Variants in ZNF256 observed in about 807,000 individuals in gnomAD.
ZNF256 encodes the protein zinc finger protein 256, also known as bone marrow zinc finger 3.
ZNF256 carries 4 observed loss-of-function variants against 7.9 expected under a neutral mutation model. That is an observed-to-expected ratio of 0.50 (90% confidence interval 0.25 to 1.15). The LOEUF is 1.15. Ranked by LOEUF, ZNF256 falls within the 50% of genes most tolerant of loss-of-function variation. The probability of loss-of-function intolerance (pLI) is 0.15; values close to 1 mark genes in which losing one functional copy is unlikely to be tolerated. For synonymous variants in ZNF256, 260 were observed against 260.4 expected (o/e 1.00, Z 0.02); for missense variants, 666 against 755.9 (o/e 0.88, Z 1.39).
In ZNF256 at chr19:57,940,966, G is replaced by T. The variant is rs2072722481; in HGVS notation, c.1842C>A (p.Phe614Leu). The T allele has an allele frequency of 1.9e-6, 3 of 1,614,168 alleles. No homozygotes were observed. Among genetic ancestry groups the T allele is most frequent in the Non-Finnish European group, 2.5e-6 (3 of 1,180,008 alleles). Residue 614 changes from phenylalanine to leucine, a missense_variant, in exon 3 of 3, where the codon TTC becomes TTA. By Grantham distance (22) the Phe-to-Leu change is conservative. Transcript: ENST00000282308. ...ECSDCGKFFT[F>L]NSNLLKHQNV... ...TCTGATGTTTTAGGAGGTTGGAGTT[G>T]AAGGTAAAAAATTTTCCACAGTCAC... is the stretch of plus-strand genomic sequence containing the variant.
At position 57,941,940 on chromosome 19, in the gene ZNF256, T is replaced by C. The variant is rs754204451; in HGVS notation, c.868A>G (p.Thr290Ala). The change falls in exon 3 of 3, where the codon ACT becomes GCT. Residue 290 changes from threonine (T) to alanine (A), a missense_variant. Thr to Ala is a moderately conservative substitution (Grantham distance 58). Transcript: ENST00000282308. The stretch of plus-strand genomic sequence containing the variant: ...TCACATTGATGAGGTCTTACTCCAG[T>C]GTGAATTCTTCGGTGCGTAATAAGG... ...SSLITHRRIH[T>A]GVRPHQCDEC... The C allele has an allele frequency of 1.6e-5, 26 of 1,614,132 alleles. No homozygotes were observed. The highest frequency in any genetic ancestry group is 4.0e-5 in the African/African-American group (3 of 74,950).
At position 57,942,397 on chromosome 19, in the gene ZNF256, C is replaced by T. The variant is rs377301929; in HGVS notation, c.411G>A (p.Gln137=). 15 of 1,614,104 alleles carry T rather than the reference C, an allele frequency of 9.3e-6. No homozygotes were observed. Among genetic ancestry groups the T allele is most frequent in the South Asian group, 1.1e-5 (1 of 91,090 alleles). The change falls in exon 3 of 3, where the codon CAG becomes CAA. Residue 137 remains glutamine (Q), a synonymous_variant. Coordinates refer to ENST00000282308, the MANE Select transcript of ZNF256 (RefSeq NM_005773.3). ...LQFTAYLHQH[Q]KQHVGQKHFR... ...AGTGTTTCTGTCCAACATGCTGCTTCTGGTGCTGATGAAGGTATGCAGTAA... is the reference window on the plus strand; with the variant it reads ...AGTGTTTCTGTCCAACATGCTGCTTTTGGTGCTGATGAAGGTATGCAGTAA...
chr19:57,945,477 G>T (rs2072760480), intron 1 of ZNF256, among the ~76,000 whole-genome samples: 1 of 152,140 alleles, frequency 6.6e-6, no homozygotes, highest in Non-Finnish European at 1.5e-5. Context: ...GGGTTCATTT[G>T]GCTAAGAGAG....
At chr19:57,943,829 C>T (rs1237836194) in intron 2 of ZNF256, 105 bp downstream of exon 2, 1 of 1,468,748 alleles carries the variant, frequency 6.8e-7, no homozygotes, top group South Asian at 1.4e-5. Context: ...TGCCCAGGAA[C>T]AGGAAGCTGT....
chr19:57,944,696 C>T (rs1453203642), intron 1 of ZNF256, among the ~76,000 whole-genome samples: 1 of 152,116 alleles, frequency 6.6e-6, no homozygotes, highest in Non-Finnish European at 1.5e-5. Flanking sequence ...TGGTGGCACA[C>T]GGCTGTAGTA....
Position 57,941,266 on chromosome 19 carries a change from A to G in ZNF256, c.1542T>C (p.Thr514=). 3 of 1,614,094 alleles carry G rather than the reference A, an allele frequency of 1.9e-6. No homozygotes were observed. Among genetic ancestry groups the G allele is most frequent in the Non-Finnish European group, 2.5e-6 (3 of 1,180,020 alleles). Residue 514 remains threonine (T), a synonymous_variant, in exon 3 of 3, where the codon ACT becomes ACC. Coordinates refer to ENST00000282308, the MANE Select transcript of ZNF256 (RefSeq NM_005773.3). The part of the protein sequence containing the change: ...STLLQHQRVH[T]GERPYECNEC... ...CATTGCACTCATAAGGCCTTTCTCC[A>G]GTGTGAACTCTCTGGTGTTGAAGGA...
intron 1 of ZNF256, among the ~76,000 whole-genome samples, chr19:57,946,893 C>G (rs562913499): frequency 6.0e-4 from 91 of 152,280 alleles, no homozygotes; most frequent in Admixed American, 1.1e-3. Flanking sequence ...CTTTCCACAC[C>G]CGTTCACATG....
chr19:57,943,687 C>T (rs1401101483), intron 2 of ZNF256, among the ~76,000 whole-genome samples: 3 of 152,130 alleles, frequency 2.0e-5, no homozygotes, highest in Admixed American at 1.3e-4. Flanking sequence ...GAGAGGCAAA[C>T]GAGGTGAGAT....
In ZNF256 at chr19:57,941,888, T is replaced by C; in HGVS notation, c.920A>G (p.Lys307Arg). ...TCTCTGATGTATAAGAAGGTCATACTTCCTGTTAAATAATTTTCCACATTC... is the reference window on the plus strand; with the variant it reads ...TCTCTGATGTATAAGAAGGTCATACCTCCTGTTAAATAATTTTCCACATTC... Reference protein sequence around the residue: ...CDECGKLFNRKYDLLIHQRVH... With the variant: ...CDECGKLFNRRYDLLIHQRVH... Residue 307 changes from lysine (K) to arginine (R), a missense_variant, in exon 3 of 3, where the codon AAG becomes AGG. Physicochemically the swap from Lys to Arg is conservative, Grantham distance 26. Coordinates refer to ENST00000282308, the MANE Select transcript of ZNF256 (RefSeq NM_005773.3). The C allele has an allele frequency of 6.2e-7, 1 of 1,614,228 alleles. No individual in the cohort carries two copies. Among genetic ancestry groups the C allele is most frequent in the Non-Finnish European group, 8.5e-7 (1 of 1,180,038 alleles).
chr19:57,941,801 G>A lies in ZNF256; in HGVS notation c.1007C>T (p.Ser336Phe). The A allele has an allele frequency of 6.2e-7, 1 of 1,613,654 alleles. No homozygotes were observed. Among genetic ancestry groups the A allele is most frequent in the Non-Finnish European group, 8.5e-7 (1 of 1,179,874 alleles). The change falls in exon 3 of 3, where the codon TCT becomes TTT. Residue 336 changes from serine (S) to phenylalanine (F), a missense_variant. Transcript: ENST00000282308. ...AATTCTCTGGTGTGTAATGAGGCTA[G>A]AGCTATGGCTAAAGGATTTCCCACA... ...SECGKSFSHSSSLITHQRIHT... is the reference protein window; with the variant it reads ...SECGKSFSHSFSLITHQRIHT...
chr19:57,944,580 T>G (rs936003302), intron 1 of ZNF256, among the ~76,000 whole-genome samples: 2 of 152,130 alleles, frequency 1.3e-5, no homozygotes, highest in African/African-American at 4.8e-5. Flanking sequence ...ATCCCAGCAC[T>G]TTGGGAGGCC....
rs1568560718 is a variant in ZNF256, at chr19:57,942,455, T to C, written c.353A>G (p.Tyr118Cys). 1.2e-6 allele frequency: 2 copies of C among 1,614,224 alleles called. No individual in the cohort carries two copies. The highest frequency in any genetic ancestry group is 1.7e-6 in the Non-Finnish European group (2 of 1,180,044). Residue 118 changes from tyrosine to cysteine, a missense_variant, in exon 3 of 3, where the codon TAT becomes TGT. Coordinates refer to ENST00000282308, the MANE Select transcript of ZNF256 (RefSeq NM_005773.3). ...TTGTTTCCTACATGCCCCGTCTGTATACAGTTTCTGACCATGGTGTGTTCC... is the reference window on the plus strand; with the variant it reads ...TTGTTTCCTACATGCCCCGTCTGTACACAGTTTCTGACCATGGTGTGTTCC... ...HQGTHHGQKL[Y>C]TDGACRKQLQ...
chr19:57,942,272 A>G lies in ZNF256; in HGVS notation c.536T>C (p.Val179Ala), dbSNP rs746615183. ...CTGTTGCTGAAGAAATCTTGATCTC[A>G]CCAGGAAATCCTTCCCAACCTCCTT... is the stretch of plus-strand genomic sequence containing the variant. Reference protein sequence around the residue: ...TCKEVGKDFLVRSRFLQQQAA... With the variant: ...TCKEVGKDFLARSRFLQQQAA... Residue 179 changes from valine (V) to alanine (A), a missense_variant, in exon 3 of 3, where the codon GTG becomes GCG. Coordinates refer to ENST00000282308, the MANE Select transcript of ZNF256 (RefSeq NM_005773.3). 1.5e-5 allele frequency: 24 copies of G among 1,614,082 alleles called. No individual in the cohort carries two copies. In the African/African-American group the frequency reaches 2.9e-4, roughly 20 times the overall value.
At chr19:57,945,972 A>C (rs1483899980) in intron 1 of ZNF256, among the ~76,000 whole-genome samples, 1 of 152,190 alleles carries the variant, frequency 6.6e-6, no homozygotes, top group Non-Finnish European at 1.5e-5. Context: ...GTTATCACAA[A>C]ATCCTGGATA....
At chr19:57,944,247 T>C (rs192376434) in intron 1 of ZNF256, among the ~76,000 whole-genome samples, 187 bp from the exon 2 acceptor site, 2 of 152,262 alleles carry the variant, frequency 1.3e-5, no homozygotes, top group African/African-American at 4.8e-5. Context: ...GTTGCAGCCA[T>C]CAGTAACAAG....
chr19:57,945,149 C>T (rs527677517), intron 1 of ZNF256, among the ~76,000 whole-genome samples: 1 of 152,222 alleles, frequency 6.6e-6, no homozygotes, highest in Non-Finnish European at 1.5e-5. Context: ...CCCGCCTCGG[C>T]CTCCCAAAGT....
chr19:57,943,405 CT>C (rs1165495207), intron 2 of ZNF256, among the ~76,000 whole-genome samples: 1 of 152,112 alleles, frequency 6.6e-6, no homozygotes, highest in Non-Finnish European at 1.5e-5. Context: ...CATCTGACCC[CT>C]ACAATCAAGA....
At position 57,942,022 on chromosome 19, in the gene ZNF256, AG is replaced by A; in HGVS notation, c.785del (p.Thr262IlefsTer31). 1 of 1,614,204 alleles carries A rather than the reference AG, an allele frequency of 6.2e-7. No homozygotes were observed. On this transcript the variant is annotated frameshift_variant, in exon 3 of 3. Coordinates refer to ENST00000282308, the MANE Select transcript of ZNF256 (RefSeq NM_005773.3). LOFTEE classifies it low-confidence loss of function (END_TRUNC). ...CSLSDHLRVH[T>X]SEKPYTCGEC... ...CTCCACATGTATAAGGCTTTTCTGAAGTGTGAACTCTCAAATGATCACTGAG... is the reference window on the plus strand; with the variant it reads ...CTCCACATGTATAAGGCTTTTCTGAATGTGAACTCTCAAATGATCACTGAG...
chr19:57,944,121 TC>T lies in ZNF256; in HGVS notation c.34-62del. On this transcript the variant is annotated intron_variant, in intron 1 of 2. Coordinates refer to ENST00000282308, the MANE Select transcript of ZNF256 (RefSeq NM_005773.3). The stretch of plus-strand genomic sequence containing the variant: ...TCCTCCTCTCAGGATCCATAATCCT[TC>T]CCCTCACACATTTACCCCATGCTCA... 4 of 1,604,662 alleles carry T rather than the reference TC, an allele frequency of 2.5e-6. No individual in the cohort carries two copies. The South Asian group carries it at 4.4e-5, about 18-fold the overall frequency.
Sources: allele counts gnomAD v4.1 joint callset (sites outside exome capture counted in the v4.1 genomes callset), GRCh38; gene constraint gnomAD v4.1.1; transcripts MANE v1.5; gene names NCBI Gene and HGNC (gene_info 2026-07-23, HGNC 2026-07-21).